Variants in DMD observed in about 807,000 individuals in gnomAD.
DMD encodes dystrophin.
A neutral mutation model predicts 330.1 loss-of-function variants in DMD; 63 were observed. The ratio of observed to expected loss-of-function variants is 0.19; its 90% CI spans 0.16 to 0.24. The LOEUF (loss-of-function observed/expected upper bound fraction) is 0.24, where lower values mean the gene tolerates loss of function less well. Among genes scored for constraint, DMD ranks in the 10% least tolerant of loss-of-function variants. The probability of loss-of-function intolerance (pLI) is 1.00; values close to 1 mark genes in which losing one functional copy is unlikely to be tolerated. For missense variants in DMD, 3,344 were observed against 2,684.1 expected, an observed-to-expected ratio of 1.25 and a Z score of -5.43; for synonymous variants, 1,223 against 959.8, an observed-to-expected ratio of 1.27 and a Z score of -5.07.
At chrX:33,146,053 AT>A (rs1019056256) in intron 1 of DMD, among the ~76,000 whole-genome samples, 3 of 109,326 alleles carry the variant, frequency 2.7e-5, no homozygotes, top group African/African-American at 6.7e-5. Flanking sequence ...CACCCAGCTC[AT>A]TTTTTTTAAA....
intron 61 of DMD, among the ~76,000 whole-genome samples, chrX:31,340,662 C>T (rs942060887): frequency 1.8e-5 from 2 of 112,203 alleles, no homozygotes; most frequent in African/African-American, 3.2e-5. Context: ...TGCTATTAGT[C>T]TTTGCTGAGA....
At position 32,389,633 on chromosome X, in the gene DMD, C is replaced by G; in HGVS notation, c.4386G>C (p.Gln1462His). The change falls in exon 32 of 79, where the codon CAG (glutamine) becomes CAC (histidine). Residue 1462 changes from glutamine to histidine, a missense_variant. Physicochemically the swap from Gln to His is conservative, Grantham distance 24. Transcript: ENST00000357033. ...GACGCTGCTCAAAATTGGCTGGTTT[C>G]TGGAATAATCGAAACTTCATGGAGA... ...QDVSMKFRLF[Q>H]KPANFEQRLQ... The G allele has an allele frequency of 8.3e-7, 1 of 1,210,759 alleles. No individual in the cohort carries two copies. Among genetic ancestry groups the G allele is most frequent in the South Asian group, 1.8e-5 (1 of 56,985 alleles).
At chrX:32,895,514 C>A (rs1256868663) in intron 2 of DMD, among the ~76,000 whole-genome samples, 1 of 111,188 alleles carries the variant, frequency 9.0e-6, no homozygotes, top group Non-Finnish European at 1.9e-5. Context: ...GAGTTTTGGG[C>A]GTCAAGGTTG....
intron 29 of DMD, among the ~76,000 whole-genome samples, chrX:32,430,302 C>T (rs373615026): frequency 3.6e-5 from 4 of 111,307 alleles, no homozygotes; most frequent in Non-Finnish European, 7.5e-5. Flanking sequence ...ATTTACTTTG[C>T]CTGTTATATA....
At chrX:32,183,968 C>A (rs1361404014) in intron 44 of DMD, among the ~76,000 whole-genome samples, 1 of 110,677 alleles carries the variant, frequency 9.0e-6, no homozygotes, top group East Asian at 2.8e-4. Flanking sequence ...TAAAAAGACT[C>A]TTGAAAAATG....
chrX:32,768,478 A>G (rs917017915), intron 7 of DMD, among the ~76,000 whole-genome samples: 2 of 112,387 alleles, frequency 1.8e-5, no homozygotes, highest in Middle Eastern at 9.3e-3. Context: ...ACTTTTCAGC[A>G]AAGCATTGTG....
intron 44 of DMD, among the ~76,000 whole-genome samples, chrX:32,069,151 T>A (rs752170426): frequency 9.0e-6 from 1 of 111,443 alleles, no homozygotes; most frequent in African/African-American, 3.3e-5. Flanking sequence ...TACTTCCTTT[T>A]GGTATGATGG....
At chrX:32,530,451 C>G (rs1221732295) in intron 17 of DMD, among the ~76,000 whole-genome samples, 4 of 112,029 alleles carry the variant, frequency 3.6e-5, no homozygotes. Context: ...ATCTTCCTAC[C>G]TTAATTTGGT....
chrX:32,628,628 T>C (rs1408545329), intron 11 of DMD, among the ~76,000 whole-genome samples: 1 of 110,558 alleles, frequency 9.0e-6, no homozygotes, highest in Non-Finnish European at 1.9e-5. Flanking sequence ...TGAAAGTTCT[T>C]CTGCTTTTTT....
At chrX:31,877,693 G>GTT (rs1328261043) in intron 47 of DMD, among the ~76,000 whole-genome samples, 1 of 110,901 alleles carries the variant, frequency 9.0e-6, no homozygotes. Flanking sequence ...GTGTGTGTGT[G>GTT]TGCACGCACG....
intron 44 of DMD, among the ~76,000 whole-genome samples, chrX:32,112,097 C>T: frequency 8.9e-6 from 1 of 111,777 alleles, no homozygotes; most frequent in Non-Finnish European, 1.9e-5. Flanking sequence ...TGTACTACGC[C>T]CTGAAGTCAG....
At chrX:33,195,773 A>G (rs2050900063) in intron 1 of DMD, among the ~76,000 whole-genome samples, 1 of 51,715 alleles carries the variant, frequency 1.9e-5, no homozygotes, top group Non-Finnish European at 5.3e-5. Context: ...TGTGTACAAA[A>G]TAATGCATGC....
intron 18 of DMD, among the ~76,000 whole-genome samples, chrX:32,512,020 C>A (rs1468041697): frequency 9.0e-6 from 1 of 111,349 alleles, no homozygotes; most frequent in Non-Finnish European, 1.9e-5. Flanking sequence ...CATGAAAATT[C>A]TTAGAGATCA....
intron 44 of DMD, among the ~76,000 whole-genome samples, chrX:32,080,169 C>T (rs142431997): frequency 0.012 from 1,356 of 111,871 alleles, 25 homozygotes; most frequent in African/African-American, 0.041. Context: ...AGCAAGGAGA[C>T]GAGTAATGCA....
chrX:31,250,235 T>C (rs1281826456), intron 63 of DMD, among the ~76,000 whole-genome samples: 4 of 111,740 alleles, frequency 3.6e-5, no homozygotes, highest in African/African-American at 9.8e-5. Flanking sequence ...TATCACATTA[T>C]ATACATTATA....
At chrX:31,344,036 GC>G (rs2057935250) in intron 61 of DMD, among the ~76,000 whole-genome samples, 1 of 69,758 alleles carries the variant, frequency 1.4e-5, no homozygotes, top group East Asian at 3.4e-4. Context: ...AGATTGGAGT[GC>G]GGGGGGGGGT....
At chrX:32,319,080 TCTTTC>T (rs2097597022) in intron 41 of DMD, among the ~76,000 whole-genome samples, 1 of 111,767 alleles carries the variant, frequency 8.9e-6, no homozygotes, top group Non-Finnish European at 1.9e-5. Context: ...TGGTTTAAAG[TCTTTC>T]GTTTCAAAGG....
rs550447209 is a variant in DMD, at chrX:32,494,519, G to A, written c.2381-3001C>T. Among the ~76,000 whole-genome samples the A allele has an allele frequency of 2.7e-5, 3 of 110,805 alleles. No homozygotes were observed. In the East Asian group the frequency reaches 8.5e-4, roughly 32 times the overall value. ...TGGGTTCAGTTACTTAATTTCACTG[G>A]ATCTTGTTTTTCTCATCCATGAAAT... On this transcript the variant is annotated intron_variant, in intron 19 of 78. Coordinates refer to ENST00000357033, the MANE Select transcript of DMD (RefSeq NM_004006.3).
intron 1 of DMD, among the ~76,000 whole-genome samples, chrX:33,297,255 T>C (rs1013581028): frequency 9.1e-6 from 1 of 109,840 alleles, no homozygotes; most frequent in Non-Finnish European, 1.9e-5. Context: ...GTAGACAGAC[T>C]TTTTTTTTGA....
Sources: allele counts gnomAD v4.1 joint callset (sites outside exome capture counted in the v4.1 genomes callset), GRCh38; gene constraint gnomAD v4.1.1; transcripts MANE v1.5; gene names NCBI Gene and HGNC (gene_info 2026-07-23, HGNC 2026-07-21).